The following HPSE2 variants were observed in gnomAD, a reference collection of about 807,000 sequenced individuals.
HPSE2 encodes the protein inactive heparanase-2.
HPSE2 carries 38 observed loss-of-function variants against 60.5 expected under a neutral mutation model. That is an observed-to-expected ratio of 0.63 (90% CI 0.48 to 0.82). The LOEUF is 0.82. Ranked by LOEUF, HPSE2 falls within the 40% of genes least tolerant of loss-of-function variation. The pLI, the probability that HPSE2 is intolerant of heterozygous loss-of-function variation, is 0.00. For synonymous variants in HPSE2, 295 were observed against 293.2 expected (o/e 1.01, Z -0.06); for missense variants, 713 against 740.4 (o/e 0.96, Z 0.43).
chr10:98,459,758 G>C lies in HPSE2; in HGVS notation c.1614-19C>G, dbSNP rs1467556534. 1 of 1,608,276 alleles carries C rather than the reference G, an allele frequency of 6.2e-7. No homozygotes were observed. The highest frequency in any genetic ancestry group is 8.5e-7 in the Non-Finnish European group (1 of 1,176,912). ...CACTGACCTACAGTGAGGAAAAACA[G>C]TATGGGACTCATTATTGCATTATAA... On this transcript the variant is annotated intron_variant, in intron 11 of 11. Transcript: ENST00000370552.
chr10:99,299,723 T>C, the HPSE2 span, among the ~76,000 whole-genome samples: 1 of 152,094 alleles, frequency 6.6e-6, no homozygotes, highest in East Asian at 1.9e-4. Context: ...GTTTAATAGA[T>C]AGTATGAAGA....
At chr10:99,002,701 G>C in intron 3 of HPSE2, among the ~76,000 whole-genome samples, 1 of 151,866 alleles carries the variant, frequency 6.6e-6, no homozygotes, top group South Asian at 2.1e-4. Context: ...TAAAAACTAG[G>C]TAAATATCTA....
intron 9 of HPSE2, among the ~76,000 whole-genome samples, chr10:98,556,416 G>A (rs1944009243): frequency 6.6e-6 from 1 of 152,168 alleles, no homozygotes; most frequent in African/African-American, 2.4e-5. Flanking sequence ...CTATTATTGT[G>A]TATGTAGAAA....
At chr10:98,519,029 C>T (rs946273287) in intron 9 of HPSE2, among the ~76,000 whole-genome samples, 1 of 151,940 alleles carries the variant, frequency 6.6e-6, no homozygotes, top group African/African-American at 2.4e-5. Context: ...ATGAAGTGGG[C>T]AAAAAAGACA....
At chr10:98,955,190 T>C (rs1043179498) in intron 3 of HPSE2, among the ~76,000 whole-genome samples, 3 of 151,874 alleles carry the variant, frequency 2.0e-5, no homozygotes, top group Non-Finnish European at 4.4e-5. Flanking sequence ...ATAGGAGAAA[T>C]TTTTTGCAAT....
chr10:98,600,767 C>T (rs1945376164), intron 9 of HPSE2, among the ~76,000 whole-genome samples: 1 of 147,246 alleles, frequency 6.8e-6, no homozygotes, highest in African/African-American at 2.5e-5. Context: ...AATATACACA[C>T]ATATATACAT....
At chr10:98,676,667 A>T (rs1947649960) in intron 6 of HPSE2, among the ~76,000 whole-genome samples, 1 of 152,128 alleles carries the variant, frequency 6.6e-6, no homozygotes, top group Non-Finnish European at 1.5e-5. Context: ...CATGTAGAAC[A>T]CTGTTCACTG....
At chr10:99,127,140 C>T (rs1845193840) in intron 3 of HPSE2, among the ~76,000 whole-genome samples, 1 of 152,096 alleles carries the variant, frequency 6.6e-6, no homozygotes. Flanking sequence ...GGATCCAAAC[C>T]AAGAAGAATT....
chr10:98,795,204 A>T (rs907938534), intron 3 of HPSE2, among the ~76,000 whole-genome samples: 1 of 152,242 alleles, frequency 6.6e-6, no homozygotes, highest in Non-Finnish European at 1.5e-5. Context: ...CACTGTCACA[A>T]GAACCAAAAA....
intron 9 of HPSE2, among the ~76,000 whole-genome samples, chr10:98,607,928 CTT>C (rs940400211): frequency 3.2e-4 from 49 of 152,140 alleles, no homozygotes; most frequent in Admixed American, 2.6e-3. Flanking sequence ...ATTATTGTGA[CTT>C]ATAGAATTTT....
chr10:98,635,348 A>C (rs1239777150), intron 7 of HPSE2, among the ~76,000 whole-genome samples: 1 of 152,202 alleles, frequency 6.6e-6, no homozygotes, highest in Non-Finnish European at 1.5e-5. Context: ...TAGAAATATA[A>C]CTACTGTATG....
intron 3 of HPSE2, among the ~76,000 whole-genome samples, chr10:98,867,351 T>C (rs1952614550): frequency 6.6e-6 from 1 of 151,250 alleles, no homozygotes; most frequent in South Asian, 2.1e-4. Context: ...TGAATAGACA[T>C]TTCTGAAAAG....
intron 3 of HPSE2, among the ~76,000 whole-genome samples, chr10:98,813,926 T>C (rs1447499814): frequency 6.6e-6 from 1 of 152,208 alleles, no homozygotes; most frequent in Non-Finnish European, 1.5e-5. Flanking sequence ...AAGAGACGAC[T>C]AATATGTATT....
intron 3 of HPSE2, among the ~76,000 whole-genome samples, chr10:98,990,974 A>G (rs56015958): frequency 0.48 from 72,503 of 151,992 alleles, 19,356 homozygotes; most frequent in East Asian, 0.62. Context: ...CCATGCCCCA[A>G]TCATACTGGT....
intron 3 of HPSE2, among the ~76,000 whole-genome samples, chr10:98,748,422 A>G (rs971929629): frequency 3.3e-5 from 5 of 152,200 alleles, no homozygotes; most frequent in African/African-American, 1.2e-4. Context: ...TCCCTTAGAA[A>G]ATTTGCTCAG....
intron 3 of HPSE2, among the ~76,000 whole-genome samples, chr10:98,907,896 T>C (rs1292260099): frequency 2.6e-5 from 4 of 152,210 alleles, no homozygotes; most frequent in Non-Finnish European, 5.9e-5. Context: ...CAAAACCATT[T>C]AGTATATATT....
the HPSE2 span, among the ~76,000 whole-genome samples, chr10:99,268,134 G>T: frequency 2.0e-5 from 3 of 152,168 alleles, no homozygotes; most frequent in African/African-American, 7.2e-5. Flanking sequence ...AGAAGGGATT[G>T]GGGCCCTATC....
chr10:99,257,393 A>G, the HPSE2 span, among the ~76,000 whole-genome samples: 2 of 152,208 alleles, frequency 1.3e-5, no homozygotes, highest in Non-Finnish European at 1.5e-5. Flanking sequence ...AGCAAGGAAC[A>G]TCCCTGAGAA....
At chr10:99,264,416 C>T in the HPSE2 span, among the ~76,000 whole-genome samples, 369 of 152,232 alleles carry the variant, frequency 2.4e-3, 3 homozygotes, top group Non-Finnish European at 3.3e-3. Flanking sequence ...CCATCTTTAA[C>T]GAACAATTGC....
Sources: gnomAD v4.1 joint callset for allele counts (sites outside exome capture counted in the v4.1 genomes callset) on GRCh38, gnomAD v4.1.1 for gene constraint, MANE v1.5 for transcripts, NCBI Gene and HGNC (gene_info 2026-07-23, HGNC 2026-07-21) for gene names.